The following CCDC178 variants were observed in gnomAD, a reference collection of about 807,000 sequenced individuals.
CCDC178 encodes the protein coiled-coil domain containing 178.
In CCDC178, 126 loss-of-function variants were observed where a neutral mutation model predicts 117.4. That is an observed-to-expected ratio of 1.07 (90% confidence interval 0.93 to 1.24). The LOEUF is 1.24. CCDC178 is among the 50% of genes most tolerant of loss of function. The pLI is 0.00. For synonymous variants in CCDC178, 283 were observed against 313.4 expected (o/e 0.90, Z 1.02); for missense variants, 1,030 against 986.9 (o/e 1.04, Z -0.59).
At chr18:33,360,296 C>A (rs2063108241) in intron 6 of CCDC178, among the ~76,000 whole-genome samples, 1 of 150,508 alleles carries the variant, frequency 6.6e-6, no homozygotes, top group Non-Finnish European at 1.5e-5. Flanking sequence ...ATAATATATA[C>A]TACATGCATG....
intron 20 of CCDC178, among the ~76,000 whole-genome samples, chr18:33,199,091 T>C (rs2058964790): frequency 6.6e-6 from 1 of 152,070 alleles, no homozygotes; most frequent in Non-Finnish European, 1.5e-5. Flanking sequence ...CTTAGCTATA[T>C]TTTATCCTTA....
chr18:33,330,703 T>C (rs2062656134), intron 10 of CCDC178, among the ~76,000 whole-genome samples: 1 of 151,972 alleles, frequency 6.6e-6, no homozygotes, highest in African/African-American at 2.4e-5. Flanking sequence ...ATCTGCAGGG[T>C]AGGTTGGCAG....
intron 21 of CCDC178, among the ~76,000 whole-genome samples, chr18:33,036,448 A>G (rs1477216704): frequency 6.6e-6 from 1 of 151,922 alleles, no homozygotes; most frequent in East Asian, 1.9e-4. Flanking sequence ...ACATGGCTGT[A>G]AGAACACCAA....
At chr18:33,205,604 T>C (rs762842154) in intron 20 of CCDC178, among the ~76,000 whole-genome samples, 58 of 152,212 alleles carry the variant, frequency 3.8e-4, no homozygotes, top group Non-Finnish European at 1.0e-4. Context: ...ATAAGAACTT[T>C]GAATATGTGG....
intron 20 of CCDC178, among the ~76,000 whole-genome samples, chr18:33,179,870 TG>T (rs567542701): frequency 9.9e-5 from 15 of 152,038 alleles, no homozygotes; most frequent in Non-Finnish European, 1.9e-4. Flanking sequence ...ACAAACTTCA[TG>T]GACATTAATG....
chr18:33,141,434 C>T (rs1046604582), intron 20 of CCDC178, among the ~76,000 whole-genome samples: 1 of 152,106 alleles, frequency 6.6e-6, no homozygotes, highest in Non-Finnish European at 1.5e-5. Flanking sequence ...AGATCAGAAG[C>T]AGAAGAGCTG....
intron 12 of CCDC178, among the ~76,000 whole-genome samples, chr18:33,280,512 A>C (rs577368472): frequency 1.4e-4 from 22 of 151,872 alleles, no homozygotes; most frequent in Non-Finnish European, 1.5e-5. Flanking sequence ...GTGGGACTGT[A>C]AACTAGTTCA....
At chr18:33,178,484 T>C (rs997443475) in intron 20 of CCDC178, among the ~76,000 whole-genome samples, 1 of 152,136 alleles carries the variant, frequency 6.6e-6, no homozygotes, top group African/African-American at 2.4e-5. Flanking sequence ...CTGCTGACAG[T>C]CATCCTCTTT....
Position 33,370,159 on chromosome 18 carries a change from G to A in CCDC178, c.239C>T (p.Pro80Leu). Residue 80 changes from proline (P) to leucine (L), a missense_variant, in exon 6 of 23, where the codon CCA becomes CTA. Pro to Leu is a moderately conservative substitution (Grantham distance 98, BLOSUM62 -3). Transcript: ENST00000383096. ...TACGGCACAGCTGTGACGTCGACAT[G>A]GGTAGCTAAAGTAAATGCCTTTATT... is the stretch of plus-strand genomic sequence containing the variant. ...GVNKGIYFSYPCRRHSCAVVN... is the reference protein window; with the variant it reads ...GVNKGIYFSYLCRRHSCAVVN... The A allele has an allele frequency of 1.9e-6, 3 of 1,603,064 alleles. No individual in the cohort carries two copies. Among genetic ancestry groups the A allele is most frequent in the East Asian group, 4.5e-5 (2 of 44,262 alleles).
At chr18:33,439,001 C>A (rs1284745153) in intron 2 of CCDC178, among the ~76,000 whole-genome samples, 1 of 152,186 alleles carries the variant, frequency 6.6e-6, no homozygotes, top group Non-Finnish European at 1.5e-5. Flanking sequence ...CATAGTCTGA[C>A]ATTGCTGTCA....
rs71949744 is a variant in CCDC178, at chr18:33,086,969, G to GACACACAC, written c.2388+5784_2388+5791dup. On this transcript the variant is annotated intron_variant, in intron 21 of 22. Transcript: ENST00000383096. ...TTTGGGAACAAAATAGCTATTGGTT[G>GACACACAC]ACACACACACACACACACACACACA... Among the ~76,000 whole-genome samples the GACACACAC allele has an allele frequency of 1.5e-3, 186 of 124,124 alleles. 2 individuals are homozygous for GACACACAC. Among genetic ancestry groups the GACACACAC allele is most frequent in the African/African-American group, 5.0e-3 (165 of 32,714 alleles). 81.4% of individuals were successfully genotyped at this position (124,124 alleles called of 152,430 possible).
At chr18:33,108,543 AACAG>A (rs1026385825) in intron 20 of CCDC178, among the ~76,000 whole-genome samples, 37 of 151,758 alleles carry the variant, frequency 2.4e-4, no homozygotes, top group Middle Eastern at 3.4e-3. Flanking sequence ...TGTCAACTAT[AACAG>A]ACAGACTAAA....
intron 11 of CCDC178, among the ~76,000 whole-genome samples, chr18:33,294,430 T>C (rs1464539443): frequency 6.6e-6 from 1 of 152,110 alleles, no homozygotes; most frequent in Non-Finnish European, 1.5e-5. Flanking sequence ...CAATATGTAA[T>C]AGAAAAATTG....
chr18:33,006,496 A>C (rs1050559331), intron 21 of CCDC178, among the ~76,000 whole-genome samples: 6 of 152,140 alleles, frequency 3.9e-5, no homozygotes, highest in Non-Finnish European at 7.4e-5. Flanking sequence ...GCTTTTTATA[A>C]ATCAAGTATT....
chr18:32,946,814 C>G (rs1246730518), intron 22 of CCDC178, among the ~76,000 whole-genome samples: 1 of 146,074 alleles, frequency 6.8e-6, no homozygotes, highest in East Asian at 2.0e-4. Flanking sequence ...GAGTCTCGCT[C>G]TGTCACCCAG....
chr18:32,975,167 T>C (rs1241406826), intron 21 of CCDC178, among the ~76,000 whole-genome samples: 5 of 152,186 alleles, frequency 3.3e-5, no homozygotes, highest in African/African-American at 1.2e-4. Flanking sequence ...TGCTTGGCAA[T>C]GTGTGCTTTA....
At position 33,261,423 on chromosome 18, in the gene CCDC178, C is replaced by T. The variant is rs183294986; in HGVS notation, c.1409+5493G>A. Among the ~76,000 whole-genome samples, 5 of 150,782 alleles carry T rather than the reference C, an allele frequency of 3.3e-5. No individual in the cohort carries two copies. In the East Asian group the frequency reaches 9.9e-4, roughly 30 times the overall value. Reference sequence around the variant, plus strand: ...TCCAGTTCATGGCCAAGGTATGCCCCCCTCTATTGATTTACATCTTCTTTA... The same window carrying T: ...TCCAGTTCATGGCCAAGGTATGCCCTCCTCTATTGATTTACATCTTCTTTA... On this transcript the variant is annotated intron_variant, in intron 14 of 22. Coordinates refer to ENST00000383096, the MANE Select transcript of CCDC178 (RefSeq NM_001105528.4).
At chr18:33,115,933 G>C (rs2057851304) in intron 20 of CCDC178, among the ~76,000 whole-genome samples, 1 of 151,802 alleles carries the variant, frequency 6.6e-6, no homozygotes, top group African/African-American at 2.4e-5. Flanking sequence ...TTCTTACTAA[G>C]TTTATTTTGA....
intron 21 of CCDC178, among the ~76,000 whole-genome samples, chr18:33,084,393 T>C (rs9956960): frequency 0.14 from 21,623 of 152,184 alleles, 2,383 homozygotes; most frequent in African/African-American, 0.31. Context: ...TTACAGGTTC[T>C]TTTATGAAGA....
Sources: gnomAD v4.1 joint callset for allele counts (sites outside exome capture counted in the v4.1 genomes callset) on GRCh38, gnomAD v4.1.1 for gene constraint, MANE v1.5 for transcripts, NCBI Gene and HGNC (gene_info 2026-07-23, HGNC 2026-07-21) for gene names.